RBM5: variants seen among roughly 807,000 people sequenced by gnomAD.
RBM5 encodes the protein RNA binding motif protein 5, also known as RNA-binding protein 5.
Under a neutral mutation model 124.6 loss-of-function variants are expected in RBM5, and 15 were observed. That is an observed-to-expected ratio of 0.12 (90% CI 0.08 to 0.19). The LOEUF is 0.19. Among genes scored for constraint, RBM5 ranks in the 10% least tolerant of loss-of-function variants. The pLI is 1.00. For synonymous variants in RBM5, 337 were observed against 361.2 expected (o/e 0.93, Z 0.76); for missense variants, 580 against 1,026.5 (o/e 0.57, Z 5.94).
intron 8 of RBM5, chr3:50,104,534 TCA>T: frequency 6.0e-6 from 3 of 497,312 alleles, no homozygotes; most frequent in Non-Finnish European, 1.1e-5. Context: ...TCCTAGCTAC[TCA>T]GGAGGTTTAG....
intron 6 of RBM5, chr3:50,102,112 G>A (rs1413508204): frequency 1.3e-5 from 2 of 152,010 alleles, no homozygotes; most frequent in Non-Finnish European, 2.9e-5. Context: ...TTAAAATCTG[G>A]ATATCTAACC....
At chr3:50,091,966 CGTGT>C in intron 2 of RBM5, 73 bp from the exon 3 acceptor site, 2 of 1,431,348 alleles carry the variant, frequency 1.4e-6, no homozygotes, top group Non-Finnish European at 2.0e-6. Flanking sequence ...ATCTGTGGGC[CGTGT>C]GTATTTTTAA....
chr3:50,111,323 C>G (rs1231278285), intron 17 of RBM5, among the ~76,000 whole-genome samples: 2 of 152,190 alleles, frequency 1.3e-5, no homozygotes, highest in Non-Finnish European at 2.9e-5. Context: ...TTTCATCACT[C>G]GAAGAAGAAA....
chr3:50,104,279 A>G lies in RBM5; in HGVS notation c.599A>G (p.Lys200Arg). Residue 200 changes from lysine (K) to arginine (R), a missense_variant, in exon 8 of 25, where the codon AAA (lysine) becomes AGA (arginine). Around this residue, in one of 6 missense-constraint regions of RBM5, gnomAD observed 101 missense variants for 223.2 expected, o/e 0.45. Transcript: ENST00000347869. Reference sequence around the variant, plus strand: ...CTTAACAATTTCAGGAAAAGACTAAAATGCTTCCGATGTGGAGCAGACAAG... The same window carrying G: ...CTTAACAATTTCAGGAAAAGACTAAGATGCTTCCGATGTGGAGCAGACAAG... ...CCLNNFRKRLKCFRCGADKFD... is the reference protein window; with the variant it reads ...CCLNNFRKRLRCFRCGADKFD... The G allele has an allele frequency of 6.2e-7, 1 of 1,614,148 alleles. No individual in the cohort carries two copies. Among genetic ancestry groups the G allele is most frequent in the Non-Finnish European group, 8.5e-7 (1 of 1,180,004 alleles).
chr3:50,108,379 T>G (rs1207638013), intron 14 of RBM5, 75 bp downstream of exon 14: 3 of 1,355,244 alleles, frequency 2.2e-6, no homozygotes, highest in African/African-American at 1.4e-5. Flanking sequence ...ATGTCCTAAC[T>G]GGACCAAAAG....
At position 50,107,465 on chromosome 3, in the gene RBM5, G is replaced by T. The variant is rs764187429; in HGVS notation, c.954-17G>T. ...ATACTGTGATAGAATCACATGATTGGATCTTTGTGGTTTCAGAGACTTGGT... is the reference window on the plus strand; with the variant it reads ...ATACTGTGATAGAATCACATGATTGTATCTTTGTGGTTTCAGAGACTTGGT... On this transcript the variant is annotated splice_polypyrimidine_tract_variant and intron_variant, in intron 11 of 24. Coordinates refer to ENST00000347869, the MANE Select transcript of RBM5 (RefSeq NM_005778.4). The T allele has an allele frequency of 2.5e-5, 39 of 1,552,490 alleles. No individual in the cohort carries two copies. The South Asian group carries it at 4.2e-4, about 17-fold the overall frequency.
chr3:50,107,696 T>TTTTTTTTTTTTTG (rs2091063919), intron 12 of RBM5, 127 bp downstream of exon 12: 1 of 553,004 alleles, frequency 1.8e-6, no homozygotes, highest in Non-Finnish European at 2.9e-6. Flanking sequence ...TTTTTTTTTT[T>TTTTTTTTTTTTTG]TTTTTTTGAG....
At chr3:50,116,089 A>G (rs1033278050) in intron 22 of RBM5, 109 bp downstream of exon 22, 3 of 1,055,770 alleles carry the variant, frequency 2.8e-6, no homozygotes, top group Admixed American at 3.7e-5. Flanking sequence ...AGGATTTGTC[A>G]TACCCTTGTC....
chr3:50,092,609 G>A (rs1298366453), intron 3 of RBM5: 2 of 319,068 alleles, frequency 6.3e-6, no homozygotes, highest in East Asian at 8.3e-5. Flanking sequence ...TTTACATAGG[G>A]ATCACCATGT....
In RBM5 at chr3:50,118,111, G is replaced by T. The variant is rs2091291671; in HGVS notation, c.2323-220G>T. ...GATGCTTGCTGAGCAGGCATTGAGG[G>T]GTGGGTGATTTGCTTCATCTGCCTG... On this transcript the variant is annotated intron_variant, in intron 24 of 24. Transcript: ENST00000347869. 3 of 593,536 alleles carry T rather than the reference G, an allele frequency of 5.1e-6. No individual in the cohort carries two copies. In the African/African-American group the frequency reaches 5.6e-5, roughly 11 times the overall value. 36.8% of individuals were successfully genotyped at this position (593,536 alleles called of 1,614,324 possible). A position where few individuals can be genotyped will look rare whatever the true frequency, so the allele number is the denominator to read the frequency against.
At chr3:50,097,053 G>A (rs2090831418) in intron 4 of RBM5, among the ~76,000 whole-genome samples, 1 of 152,122 alleles carries the variant, frequency 6.6e-6, no homozygotes, top group Admixed American at 6.6e-5. Context: ...AAGTGCTATT[G>A]TGGCTAGGGG....
chr3:50,106,876 C>T lies in RBM5; in HGVS notation c.953+12C>T. 2 of 1,566,338 alleles carry T rather than the reference C, an allele frequency of 1.3e-6. No homozygotes were observed. The highest frequency in any genetic ancestry group is 1.8e-6 in the Non-Finnish European group (2 of 1,136,590). ...AAAAGTGCCAGAAAGTGAGTGGCTT[C>T]ATTGTCCTTATTTCAAACTACTGCA... On this transcript the variant is annotated intron_variant, in intron 11 of 24. Coordinates refer to ENST00000347869, the MANE Select transcript of RBM5 (RefSeq NM_005778.4).
intron 3 of RBM5, chr3:50,092,821 G>GGAGGATCCCT (rs2090728208): frequency 2.4e-6 from 1 of 418,600 alleles, no homozygotes; most frequent in Non-Finnish European, 4.9e-6. Context: ...GGCCGAGGCA[G>GGAGGATCCCT]GAGGATCCCT....
chr3:50,113,721 G>A (rs911458805), intron 18 of RBM5, among the ~76,000 whole-genome samples, 177 bp downstream of exon 18: 4 of 152,192 alleles, frequency 2.6e-5, no homozygotes, highest in African/African-American at 9.7e-5. Flanking sequence ...TTGACTGTCA[G>A]CCTGTGTACT....
rs61297967 is a variant in RBM5 at position 50,106,118 on chromosome 3, A to ATTTTTTTTTTTTTTTT, written c.855+428_855+443dup. ...CAGGTGCCCGCCACCACGCCCAGCT[A>ATTTTTTTTTTTTTTTT]TTTTTTTTTTTTTTTTTTTTTTTTT... On this transcript the variant is annotated intron_variant, in intron 10 of 24. Transcript: ENST00000347869. Among the ~76,000 whole-genome samples the ATTTTTTTTTTTTTTTT allele has an allele frequency of 1.2e-4, 4 of 32,758 alleles. 1 individual carries two copies. The highest frequency in any genetic ancestry group is 2.8e-4 in the African/African-American group (3 of 10,566). 21.5% of individuals were successfully genotyped at this position (32,758 alleles called of 152,430 possible).
Position 50,100,420 on chromosome 3 carries a change from G to C in RBM5, c.410-112G>C, listed in dbSNP as rs1341526673. 2.3e-6 allele frequency: 2 copies of C among 879,244 alleles called. No individual in the cohort carries two copies. The highest frequency in any genetic ancestry group is 1.7e-5 in the African/African-American group (1 of 60,060). 54.5% of individuals were successfully genotyped at this position (879,244 alleles called of 1,614,324 possible). A position where few individuals can be genotyped will look rare whatever the true frequency, so the allele number is the denominator to read the frequency against. Reference sequence around the variant, plus strand: ...CAAGTCAAGTCACATTTGTAAAGCTGCTTCCCAATTGGCTTTGTCACGCAG... The same window carrying C: ...CAAGTCAAGTCACATTTGTAAAGCTCCTTCCCAATTGGCTTTGTCACGCAG... On this transcript the variant is annotated intron_variant, in intron 5 of 24. Coordinates refer to ENST00000347869, the MANE Select transcript of RBM5 (RefSeq NM_005778.4). The surrounding 1 kb of genome is among the most constrained non-coding windows in gnomAD (Gnocchi z 5.1).
chr3:50,106,118 A>AT (rs61297967), intron 10 of RBM5, among the ~76,000 whole-genome samples: 1,813 of 32,668 alleles, frequency 0.055, 433 homozygotes, highest in Non-Finnish European at 0.072. Context: ...ACGCCCAGCT[A>AT]TTTTTTTTTT....
intron 9 of RBM5, 35 bp from the exon 10 acceptor site, chr3:50,105,514 T>C: frequency 6.2e-7 from 1 of 1,600,696 alleles, no homozygotes; most frequent in Non-Finnish European, 8.5e-7. Context: ...GTGGTGGGAA[T>C]GCATGTGTAT....
chr3:50,090,376 T>A lies in RBM5; in HGVS notation c.-53-6T>A. The A allele has an allele frequency of 6.3e-7, 1 of 1,598,458 alleles. No individual in the cohort carries two copies. The highest frequency in any genetic ancestry group is 1.7e-5 in the Admixed American group (1 of 59,550). The stretch of plus-strand genomic sequence containing the variant: ...TTTATAGCAATTAATCTCTCTTGTC[T>A]CCTAGAAAAAATAAAATTTGAACCT... On this transcript the variant is annotated splice_polypyrimidine_tract_variant and splice_region_variant and intron_variant, in intron 1 of 24. Transcript: ENST00000347869.
Sources: allele counts gnomAD v4.1 joint callset (sites outside exome capture counted in the v4.1 genomes callset), GRCh38; gene constraint gnomAD v4.1.1; regional missense constraint gnomAD v4.1.1; non-coding constraint Gnocchi (gnomAD v3.1); transcripts MANE v1.5; gene names NCBI Gene and HGNC (gene_info 2026-07-23, HGNC 2026-07-21).